Variants in HIVEP1 observed in about 807,000 individuals in gnomAD.
The protein encoded by HIVEP1 is HIVEP zinc finger 1, also known as zinc finger protein 40.
HIVEP1 carries 36 observed loss-of-function variants against 180.0 expected under a neutral mutation model. The observed-to-expected ratio is 0.20, with a 90% CI of 0.15 to 0.26. The LOEUF (loss-of-function observed/expected upper bound fraction) is 0.26, where lower values mean the gene tolerates loss of function less well. Ranked by LOEUF, HIVEP1 falls within the 10% of genes least tolerant of loss-of-function variation. The probability of loss-of-function intolerance (pLI) is 1.00; values close to 1 mark genes in which losing one functional copy is unlikely to be tolerated. For missense variants in HIVEP1, 3,143 were observed against 3,268.7 expected, an observed-to-expected ratio of 0.96 and a Z score of 0.94; for synonymous variants, 1,239 against 1,239.0, an observed-to-expected ratio of 1.00 and a Z score of 0.00.
At chr6:12,109,627 A>G (rs1033531683) in intron 3 of HIVEP1, among the ~76,000 whole-genome samples, 1 of 152,212 alleles carries the variant, frequency 6.6e-6, no homozygotes, top group African/African-American at 2.4e-5. Context: ...TTCAAGCTCC[A>G]CTTTAGTTCT....
the HIVEP1 span, among the ~76,000 whole-genome samples, chr6:12,181,703 C>T: frequency 5.9e-5 from 9 of 152,298 alleles, no homozygotes; most frequent in Admixed American, 2.6e-4. Flanking sequence ...GAAACATTGA[C>T]GCCCTCGCTA....
At chr6:12,040,086 T>G (rs765223049) in intron 2 of HIVEP1, among the ~76,000 whole-genome samples, 2 of 152,196 alleles carry the variant, frequency 1.3e-5, no homozygotes, top group African/African-American at 2.4e-5. Context: ...TTGTTGGAAC[T>G]GCTTATTATC....
intron 2 of HIVEP1, among the ~76,000 whole-genome samples, chr6:12,050,665 C>T (rs911137735): frequency 3.9e-5 from 6 of 152,024 alleles, no homozygotes; most frequent in Admixed American, 1.3e-4. Flanking sequence ...TCATAAACAT[C>T]TTTCTTTGCT....
At chr6:12,112,775 G>C (rs1774984210) in intron 3 of HIVEP1, among the ~76,000 whole-genome samples, 1 of 152,082 alleles carries the variant, frequency 6.6e-6, no homozygotes, top group Admixed American at 6.5e-5. Flanking sequence ...TCCATCTCCT[G>C]GTCCAGCCTC....
At chr6:12,151,737 A>T (rs983121812) in intron 7 of HIVEP1, among the ~76,000 whole-genome samples, 1 of 152,218 alleles carries the variant, frequency 6.6e-6, no homozygotes, top group East Asian at 1.9e-4. Flanking sequence ...CTCTGTCATG[A>T]ATACTAAACT....
the HIVEP1 span, among the ~76,000 whole-genome samples, chr6:12,198,848 C>T: frequency 3.3e-5 from 5 of 152,198 alleles, no homozygotes; most frequent in Non-Finnish European, 5.9e-5. Flanking sequence ...AATACCTTCA[C>T]GGAAGTATCT....
At chr6:12,052,163 G>A (rs1770584799) in intron 2 of HIVEP1, among the ~76,000 whole-genome samples, 1 of 152,048 alleles carries the variant, frequency 6.6e-6, no homozygotes, top group Non-Finnish European at 1.5e-5. Context: ...GTCTTCTTAC[G>A]GAATCAAGAC....
chr6:12,092,261 T>C (rs1684681035), intron 3 of HIVEP1, among the ~76,000 whole-genome samples: 1 of 152,176 alleles, frequency 6.6e-6, no homozygotes, highest in Non-Finnish European at 1.5e-5. Flanking sequence ...CATATAAGTA[T>C]GTACCCCCAA....
At chr6:12,195,865 C>G in the HIVEP1 span, among the ~76,000 whole-genome samples, 1 of 152,300 alleles carries the variant, frequency 6.6e-6, no homozygotes, top group African/African-American at 2.4e-5. Flanking sequence ...AAAGAAGTTT[C>G]TAGTAGAACT....
At chr6:12,180,702 G>T in the HIVEP1 span, among the ~76,000 whole-genome samples, 1 of 152,180 alleles carries the variant, frequency 6.6e-6, no homozygotes, top group Non-Finnish European at 1.5e-5. Flanking sequence ...GCTTAAGTGT[G>T]TATGAGAAGA....
chr6:12,176,092 A>T, the HIVEP1 span, among the ~76,000 whole-genome samples: 15 of 152,190 alleles, frequency 9.9e-5, no homozygotes, highest in South Asian at 6.2e-4. Flanking sequence ...GATTCTTATT[A>T]TGGCCTGGCA....
At chr6:12,083,927 T>C (rs565745600) in intron 2 of HIVEP1, among the ~76,000 whole-genome samples, 1 of 152,144 alleles carries the variant, frequency 6.6e-6, no homozygotes, top group Non-Finnish European at 1.5e-5. Context: ...ATGTGTGGTG[T>C]TGGTTTTTCT....
chr6:12,118,939 A>T (rs937984342), intron 3 of HIVEP1, among the ~76,000 whole-genome samples: 2 of 152,210 alleles, frequency 1.3e-5, no homozygotes, highest in African/African-American at 4.8e-5. Flanking sequence ...CCTTAATGAG[A>T]TAAGACAGTC....
At chr6:12,181,942 G>T in the HIVEP1 span, among the ~76,000 whole-genome samples, 1 of 152,084 alleles carries the variant, frequency 6.6e-6, no homozygotes, top group Non-Finnish European at 1.5e-5. Context: ...TGCCAAAATA[G>T]CTTGAGAGTG....
At chr6:12,174,082 T>G in the HIVEP1 span, among the ~76,000 whole-genome samples, 2 of 152,212 alleles carry the variant, frequency 1.3e-5, no homozygotes, top group African/African-American at 4.8e-5. Context: ...ACATTTTTAT[T>G]TGCCAGAAGT....
intron 2 of HIVEP1, among the ~76,000 whole-genome samples, chr6:12,016,910 G>A (rs1767793202): frequency 6.6e-6 from 1 of 152,160 alleles, no homozygotes; most frequent in Admixed American, 6.5e-5. Flanking sequence ...GGAGACATGG[G>A]CCCTGCTTTA....
At chr6:12,145,858 A>T (rs1160877230) in intron 7 of HIVEP1, among the ~76,000 whole-genome samples, 1 of 152,186 alleles carries the variant, frequency 6.6e-6, no homozygotes, top group Admixed American at 6.5e-5. Flanking sequence ...TGTGCCTGGC[A>T]AATAGTAGGT....
intron 2 of HIVEP1, among the ~76,000 whole-genome samples, chr6:12,061,199 ATGT>A (rs1224253764): frequency 6.6e-6 from 1 of 152,152 alleles, no homozygotes; most frequent in Non-Finnish European, 1.5e-5. Flanking sequence ...AAGGATTGTA[ATGT>A]TGTGTGTGTT....
At chr6:12,017,644 G>A (rs1043613784) in intron 2 of HIVEP1, among the ~76,000 whole-genome samples, 7 of 139,728 alleles carry the variant, frequency 5.0e-5, no homozygotes, top group Admixed American at 5.0e-4. Context: ...ACAGAGAGCT[G>A]ATTGGTCCAT....
Sources: gnomAD v4.1 joint callset for allele counts (sites outside exome capture counted in the v4.1 genomes callset) on GRCh38, gnomAD v4.1.1 for gene constraint, MANE v1.5 for transcripts, NCBI Gene and HGNC (gene_info 2026-07-23, HGNC 2026-07-21) for gene names.